Variants in ITIH5 observed in about 807,000 individuals in gnomAD.
ITIH5 encodes the protein inter-alpha-trypsin inhibitor heavy chain 5.
ITIH5 carries 65 observed loss-of-function variants against 77.5 expected under a neutral mutation model. The ratio of observed to expected loss-of-function variants is 0.84; its 90% CI spans 0.69 to 1.03. ITIH5 has a LOEUF of 1.03. ITIH5 is among the 50% of genes least tolerant of loss of function. The pLI, the probability that ITIH5 is intolerant of heterozygous loss-of-function variation, is 0.00. For missense variants in ITIH5, 1,208 were observed against 1,213.1 expected (o/e 1.00, Z 0.06); for synonymous variants, 525 against 494.3 (o/e 1.06, Z -0.82).
rs564878645 is a variant in ITIH5, at chr10:7,617,232, C to G, written c.703G>C (p.Ala235Pro). Residue 235 changes from alanine (A) to proline (P), a missense_variant, in exon 6 of 14, where the codon GCC becomes CCC. Transcript: ENST00000397146. Reference sequence around the variant, plus strand: ...ACAGTAGGTTTAAAAATTATGTTGGCAAATGTTTCATTTTGGTTAATGACA... The same window carrying G: ...ACAGTAGGTTTAAAAATTATGTTGGGAAATGTTTCATTTTGGTTAATGACA... ...STVINQNETF[A>P]NIIFKPTVVQ... 6.3e-7 allele frequency: 1 copy of G among 1,599,700 alleles called. No homozygotes were observed. Among genetic ancestry groups the G allele is most frequent in the East Asian group, 2.3e-5 (1 of 43,706 alleles).
rs192449382 is a variant in ITIH5, at chr10:7,644,704, A to G, written c.136-2614T>C. On this transcript the variant is annotated intron_variant, in intron 2 of 13. Transcript: ENST00000397146. Reference sequence around the variant, plus strand: ...TATATCATATATATCACATATCTATATCACATATATATCATATATATCACA... The same window carrying G: ...TATATCATATATATCACATATCTATGTCACATATATATCATATATATCACA... Among the ~76,000 whole-genome samples, 114 of 134,842 alleles carry G rather than the reference A, an allele frequency of 8.5e-4. 3 individuals are homozygous for G. The highest frequency in any genetic ancestry group is 3.2e-3 in the African/African-American group (106 of 32,740). 88.5% of individuals were successfully genotyped at this position (134,842 alleles called of 152,430 possible). A position where few individuals can be genotyped will look rare whatever the true frequency, so the allele number is the denominator to read the frequency against.
chr10:7,651,357 G>A (rs1290893631), intron 2 of ITIH5, among the ~76,000 whole-genome samples: 3 of 152,134 alleles, frequency 2.0e-5, no homozygotes, highest in African/African-American at 7.2e-5. Context: ...GGCAGGGCAG[G>A]CGGATCACCT....
At chr10:7,565,785 CTA>C in intron 13 of ITIH5, among the ~76,000 whole-genome samples, 2 of 145,990 alleles carry the variant, frequency 1.4e-5, no homozygotes, top group South Asian at 2.1e-4. Flanking sequence ...TACATACAGA[CTA>C]TATATAATAC....
At chr10:7,576,101 T>G (rs954889258) in intron 10 of ITIH5, among the ~76,000 whole-genome samples, 58 of 152,330 alleles carry the variant, frequency 3.8e-4, no homozygotes, top group African/African-American at 1.3e-3. Context: ...CATGGCTCAC[T>G]GCAGCCTCAA....
intron 7 of ITIH5, among the ~76,000 whole-genome samples, chr10:7,610,776 C>T (rs770671721): frequency 1.3e-5 from 2 of 152,144 alleles, no homozygotes; most frequent in African/African-American, 2.4e-5. Flanking sequence ...CTCAAGGCAG[C>T]GAGGGGCTTT....
intron 13 of ITIH5, among the ~76,000 whole-genome samples, chr10:7,564,121 C>A (rs935199413): frequency 2.0e-5 from 3 of 152,248 alleles, no homozygotes; most frequent in Non-Finnish European, 2.9e-5. Flanking sequence ...CTGGGCAGGG[C>A]TGCCTCGTGT....
At chr10:7,632,207 G>C (rs1833724522) in intron 5 of ITIH5, among the ~76,000 whole-genome samples, 1 of 152,150 alleles carries the variant, frequency 6.6e-6, no homozygotes, top group African/African-American at 2.4e-5. Flanking sequence ...CCTTTACTGA[G>C]CATCTGAATT....
chr10:7,617,904 C>T (rs1833400994), intron 5 of ITIH5: 1 of 152,188 alleles, frequency 6.6e-6, no homozygotes, highest in South Asian at 2.1e-4. Context: ...TCTCCAGTGT[C>T]TGCCTCCACC....
chr10:7,567,105 G>GTAAAA (rs1832201778), intron 12 of ITIH5, among the ~76,000 whole-genome samples: 2 of 151,710 alleles, frequency 1.3e-5, no homozygotes, highest in African/African-American at 2.4e-5. Context: ...TTTTACTGTT[G>GTAAAA]TCTGACCAGT....
At chr10:7,638,436 C>T (rs1419016672) in intron 4 of ITIH5, among the ~76,000 whole-genome samples, 2 of 152,154 alleles carry the variant, frequency 1.3e-5, no homozygotes, top group African/African-American at 4.8e-5. Flanking sequence ...GAACATCACA[C>T]AGAGAAAACG....
At chr10:7,592,741 C>T (rs1048104691) in intron 7 of ITIH5, among the ~76,000 whole-genome samples, 1 of 152,166 alleles carries the variant, frequency 6.6e-6, no homozygotes, top group African/African-American at 2.4e-5. Context: ...CTGGGCCCTT[C>T]TCACCCTGGT....
In ITIH5 at chr10:7,644,548, GATATATCACATATATATGAT is replaced by G. The variant is rs1443195043; in HGVS notation, c.136-2478_136-2459del. Among the ~76,000 whole-genome samples, 104 of 61,948 alleles carry G rather than the reference GATATATCACATATATATGAT, an allele frequency of 1.7e-3. 1 individual carries two copies. The highest frequency in any genetic ancestry group is 2.8e-3 in the Non-Finnish European group (89 of 31,812). The allele number at this position is 61,948 out of a possible 152,430, so 40.6% of individuals were successfully genotyped here. A position where few individuals can be genotyped will look rare whatever the true frequency, so the allele number is the denominator to read the frequency against. On this transcript the variant is annotated intron_variant, in intron 2 of 13. Transcript: ENST00000397146. Reference sequence around the variant, plus strand: ...TATATATGATATATCACATATATATGATATATCACATATATATGATATATATCACATATATCACATATATA... The same window carrying G: ...TATATATGATATATCACATATATATGATATATCACATATATCACATATATA...
intron 2 of ITIH5, among the ~76,000 whole-genome samples, chr10:7,642,771 C>T (rs1833910550): frequency 6.6e-6 from 1 of 152,182 alleles, no homozygotes; most frequent in African/African-American, 2.4e-5. Context: ...AGGGCTTTTT[C>T]TAGTCCTTAC....
chr10:7,655,803 G>T, intron 1 of ITIH5, 128 bp from the exon 2 acceptor site: 1 of 718,382 alleles, frequency 1.4e-6, no homozygotes, highest in Non-Finnish European at 2.3e-6. Flanking sequence ...ACCAAAAGCT[G>T]TATCTATCCT....
intron 1 of ITIH5, among the ~76,000 whole-genome samples, chr10:7,660,813 C>T (rs561727184): frequency 4.6e-5 from 7 of 152,302 alleles, no homozygotes; most frequent in Non-Finnish European, 1.0e-4. Flanking sequence ...TGTAATGACC[C>T]GGTTGACTTA....
chr10:7,628,004 G>C (rs1319780706), intron 5 of ITIH5, among the ~76,000 whole-genome samples: 1 of 151,856 alleles, frequency 6.6e-6, no homozygotes, highest in Non-Finnish European at 1.5e-5. Context: ...ACCAAGCCCA[G>C]CTCGTTTTTG....
intron 5 of ITIH5, among the ~76,000 whole-genome samples, chr10:7,633,688 A>C (rs993532762): frequency 3.3e-5 from 5 of 151,730 alleles, no homozygotes; most frequent in African/African-American, 1.2e-4. Flanking sequence ...AAAAGCTAAG[A>C]GGGTTGTTAT....
chr10:7,666,692 T>G, intron 1 of ITIH5, 111 bp downstream of exon 1: 2 of 761,642 alleles, frequency 2.6e-6, no homozygotes, highest in Admixed American at 2.9e-5. Context: ...GGGCCTCTGG[T>G]GGGGGCCTGG....
At position 7,561,823 on chromosome 10, in the gene ITIH5, C is replaced by T. The variant is rs949689106; in HGVS notation, c.*1260G>A. On this transcript the variant is annotated 3_prime_UTR_variant, in exon 14 of 14. Coordinates refer to ENST00000397146, the MANE Select transcript of ITIH5 (RefSeq NM_030569.7). ...CCTCTTGTGAGGCCAGCCCCAGAGC[C>T]TTGAACTCTGGCCTGCATCGAAGCA... The T allele has an allele frequency of 2.6e-5, 4 of 152,228 alleles. No individual in the cohort carries two copies. Among genetic ancestry groups the T allele is most frequent in the Non-Finnish European group, 4.4e-5 (3 of 68,058 alleles). 9.4% of individuals were successfully genotyped at this position (152,228 alleles called of 1,614,324 possible).
Sources: allele counts gnomAD v4.1 joint callset (sites outside exome capture counted in the v4.1 genomes callset), GRCh38; gene constraint gnomAD v4.1.1; transcripts MANE v1.5; gene names NCBI Gene and HGNC (gene_info 2026-07-23, HGNC 2026-07-21).